The following GLG1 variants were observed in gnomAD, a reference collection of about 807,000 sequenced individuals.
GLG1 encodes Golgi apparatus protein 1.
Under a neutral mutation model 160.5 loss-of-function variants are expected in GLG1, and 38 were observed. That is an observed-to-expected ratio of 0.24 (90% CI 0.18 to 0.31). The LOEUF (loss-of-function observed/expected upper bound fraction) is 0.31. Among genes scored for constraint, GLG1 ranks in the 10% least tolerant of loss-of-function variants. GLG1 has a pLI of 1.00. For missense variants in GLG1, 1,373 were observed against 1,505.2 expected, an observed-to-expected ratio of 0.91 and a Z score of 1.45; for synonymous variants, 644 against 543.4, an observed-to-expected ratio of 1.19 and a Z score of -2.57.
chr16:74,494,309 C>G (rs1326110129), intron 6 of GLG1, among the ~76,000 whole-genome samples: 1 of 151,858 alleles, frequency 6.6e-6, no homozygotes, highest in Non-Finnish European at 1.5e-5. Context: ...GCTTAAAACC[C>G]AAGTACCTCA....
chr16:74,521,905 T>A (rs918897393), intron 2 of GLG1, among the ~76,000 whole-genome samples: 1 of 152,104 alleles, frequency 6.6e-6, no homozygotes, highest in Non-Finnish European at 1.5e-5. Flanking sequence ...GGAACCAATA[T>A]CCTTTGTAAC....
chr16:74,555,770 C>A (rs916490139), intron 1 of GLG1, among the ~76,000 whole-genome samples: 11 of 150,984 alleles, frequency 7.3e-5, no homozygotes, highest in Non-Finnish European at 2.9e-5. Context: ...TAAAAGATTT[C>A]TGTGGAAAAA....
At position 74,566,140 on chromosome 16, in the gene GLG1, A is replaced by G. The variant is rs149965515; in HGVS notation, c.439-33987T>C. ...ATGCTACAAACACCACCTCACTCAT[A>G]ACGTCAACTTTGATCACTTGGCCAA... On this transcript the variant is annotated intron_variant, in intron 1 of 25. Transcript: ENST00000422840. Among the ~76,000 whole-genome samples the G allele has an allele frequency of 6.3e-3, 962 of 152,270 alleles. 3 individuals are homozygous for G. The highest frequency in any genetic ancestry group is 0.01 in the Middle Eastern group (3 of 294).
chr16:74,470,289 TTTCC>T (rs1440620495), intron 15 of GLG1, among the ~76,000 whole-genome samples: 10 of 135,506 alleles, frequency 7.4e-5, no homozygotes, highest in East Asian at 4.6e-4. Context: ...CCTTCCTTCC[TTTCC>T]TTCCTTCCTT....
chr16:74,583,615 A>T (rs1209876383), intron 1 of GLG1, among the ~76,000 whole-genome samples: 1 of 152,110 alleles, frequency 6.6e-6, no homozygotes, highest in Admixed American at 6.6e-5. Context: ...CCTGACCTCA[A>T]GTGATCCACC....
chr16:74,554,773 ATT>A (rs2018307417), intron 1 of GLG1, among the ~76,000 whole-genome samples: 1 of 152,188 alleles, frequency 6.6e-6, no homozygotes. Context: ...AAATGACATC[ATT>A]GTTTGTCACT....
At position 74,503,541 on chromosome 16, in the gene GLG1, A is replaced by G; in HGVS notation, c.764T>C (p.Leu255Pro). The G allele has an allele frequency of 1.2e-6, 2 of 1,609,480 alleles. No homozygotes were observed. Among genetic ancestry groups the G allele is most frequent in the Non-Finnish European group, 1.7e-6 (2 of 1,175,794 alleles). Reference sequence around the variant, plus strand: ...CGTAGTATTAGATACCTTTTCTCCAAGCCGAATACTGCCACATTTCAGAAT... The same window carrying G: ...CGTAGTATTAGATACCTTTTCTCCAGGCCGAATACTGCCACATTTCAGAAT... ...INILKCGSIRLGEKDAHSQGE... is the reference protein window; with the variant it reads ...INILKCGSIRPGEKDAHSQGE... Residue 255 changes from leucine (L) to proline (P), a missense_variant, in exon 4 of 26, where the codon CTT becomes CCT. Around this residue, in one of 4 missense-constraint regions of GLG1, gnomAD observed 174 missense variants for 229.9 expected, o/e 0.76. Coordinates refer to ENST00000422840, the MANE Select transcript of GLG1 (RefSeq NM_001145667.2).
At position 74,451,413 on chromosome 16, in the gene GLG1, A is replaced by G. The variant is rs756691003; in HGVS notation, c.*1754T>C. ...AAATAGAAAAAAAAGAAAGAAAACC[A>G]CAGTATTCAAATATATGTCAGTCAG... On this transcript the variant is annotated 3_prime_UTR_variant, in exon 26 of 26. Transcript: ENST00000422840. The G allele has an allele frequency of 6.6e-6, 1 of 152,150 alleles. No homozygotes were observed. The highest frequency in any genetic ancestry group is 2.4e-5 in the African/African-American group (1 of 41,432). The allele number at this position is 152,150 out of a possible 1,614,324, so 9.4% of individuals were successfully genotyped here. A position where few individuals can be genotyped will look rare whatever the true frequency, so the allele number is the denominator to read the frequency against.
intron 1 of GLG1, among the ~76,000 whole-genome samples, chr16:74,537,374 C>A (rs1044517852): frequency 9.2e-5 from 14 of 152,052 alleles, no homozygotes; most frequent in African/African-American, 3.4e-4. Flanking sequence ...AAACAAAAAA[C>A]CTCACAAAAA....
chr16:74,530,633 C>CT (rs548399536), intron 2 of GLG1, among the ~76,000 whole-genome samples: 214 of 143,874 alleles, frequency 1.5e-3, no homozygotes, highest in Middle Eastern at 7.3e-3. Flanking sequence ...TGTATTTATC[C>CT]TTTTTTTTTT....
At chr16:74,499,424 T>C (rs554519914) in intron 4 of GLG1, among the ~76,000 whole-genome samples, 2 of 152,286 alleles carry the variant, frequency 1.3e-5, no homozygotes, top group African/African-American at 4.8e-5. Flanking sequence ...CTGTGTTTTT[T>C]ACTGTACCTT....
At chr16:74,508,960 A>T (rs746823451) in intron 2 of GLG1, 35 bp from the exon 3 acceptor site, 1 of 881,932 alleles carries the variant, frequency 1.1e-6, no homozygotes, top group East Asian at 2.4e-5. Context: ...ACAAAGAAAA[A>T]CTCCAGTTAG....
chr16:74,474,807 T>C (rs1597240837), intron 12 of GLG1, among the ~76,000 whole-genome samples, 175 bp from the exon 13 acceptor site: 3 of 152,198 alleles, frequency 2.0e-5, no homozygotes, highest in East Asian at 1.9e-4. Context: ...ACTGAGATTG[T>C]TGAAAAGATA....
At chr16:74,587,411 T>C (rs972730101) in intron 1 of GLG1, among the ~76,000 whole-genome samples, 2 of 152,094 alleles carry the variant, frequency 1.3e-5, no homozygotes, top group South Asian at 2.1e-4. Flanking sequence ...GAATAAAGAG[T>C]TCTGTACTGA....
chr16:74,542,912 C>G (rs1048715616), intron 1 of GLG1, among the ~76,000 whole-genome samples: 2 of 152,162 alleles, frequency 1.3e-5, no homozygotes, highest in Non-Finnish European at 2.9e-5. Context: ...TACTACCAAT[C>G]CAACTTTGTT....
At chr16:74,542,735 GAGGAAGGAAGGAAGGAAGGAAGGAAGGA>G (rs1193967031) in intron 1 of GLG1, among the ~76,000 whole-genome samples, 4 of 28,664 alleles carry the variant, frequency 1.4e-4, no homozygotes, top group Admixed American at 4.4e-4. Flanking sequence ...GGAAGGAAGG[GAGGAAGGAAGGAAGGAAGGAAGGAAGGA>G]AGGAAGGAAG....
At chr16:74,584,636 G>A (rs1958006944) in intron 1 of GLG1, among the ~76,000 whole-genome samples, 2 of 151,874 alleles carry the variant, frequency 1.3e-5, no homozygotes, top group South Asian at 4.2e-4. Flanking sequence ...CACACACTGG[G>A]GGCTGGGCAC....
chr16:74,515,633 C>T (rs143387744), intron 2 of GLG1, among the ~76,000 whole-genome samples: 11 of 151,834 alleles, frequency 7.2e-5, no homozygotes, highest in Admixed American at 3.3e-4. Flanking sequence ...AGCACACCAA[C>T]ATGGCACATG....
chr16:74,478,757 C>A (rs989706347), intron 11 of GLG1, among the ~76,000 whole-genome samples: 1 of 151,410 alleles, frequency 6.6e-6, no homozygotes, highest in South Asian at 2.1e-4. Context: ...ACTAAAAATA[C>A]AAAAATTAGC....
Sources: allele counts gnomAD v4.1 joint callset (sites outside exome capture counted in the v4.1 genomes callset), GRCh38; gene constraint gnomAD v4.1.1; regional missense constraint gnomAD v4.1.1; transcripts MANE v1.5; gene names NCBI Gene and HGNC (gene_info 2026-07-23, HGNC 2026-07-21).